Variants in FAM185A observed in about 807,000 individuals in gnomAD.
FAM185A encodes the protein protein FAM185A.
FAM185A carries 21 observed loss-of-function variants against 45.7 expected under a neutral mutation model. The observed-to-expected ratio is 0.46, with a 90% confidence interval of 0.33 to 0.66. The LOEUF (loss-of-function observed/expected upper bound fraction) is 0.66. Ranked by LOEUF, FAM185A falls within the 30% of genes least tolerant of loss-of-function variation. FAM185A has a pLI of 0.03. For synonymous variants in FAM185A, 117 were observed against 194.0 expected (o/e 0.60, Z 3.30); for missense variants, 305 against 485.4 (o/e 0.63, Z 3.49).
chr7:102,806,825 C>T (rs1413336564), intron 7 of FAM185A, among the ~76,000 whole-genome samples: 3 of 152,142 alleles, frequency 2.0e-5, no homozygotes, highest in African/African-American at 7.2e-5. Context: ...GGAGAGGTCG[C>T]ACAGGCAGAG....
the FAM185A span, among the ~76,000 whole-genome samples, chr7:102,819,200 C>T: frequency 3.9e-5 from 6 of 152,156 alleles, no homozygotes; most frequent in Non-Finnish European, 7.3e-5. Flanking sequence ...TTGCCTTTCC[C>T]CACAGAGGGC....
At chr7:102,850,003 G>T in the FAM185A span, among the ~76,000 whole-genome samples, 1 of 149,236 alleles carries the variant, frequency 6.7e-6, no homozygotes, top group East Asian at 1.9e-4. Flanking sequence ...GTTTTGTTTT[G>T]TTTTTTTAGA....
chr7:102,772,757 GAT>G (rs1036554213), intron 5 of FAM185A, among the ~76,000 whole-genome samples: 1 of 151,432 alleles, frequency 6.6e-6, no homozygotes, highest in Non-Finnish European at 1.5e-5. Context: ...TTGAAAGAAA[GAT>G]ATAAATAATG....
chr7:102,760,806 G>A (rs55796765), intron 3 of FAM185A, among the ~76,000 whole-genome samples: 78,828 of 151,870 alleles, frequency 0.52, 21,336 homozygotes, highest in Middle Eastern at 0.66. Flanking sequence ...GGGAGGAAAT[G>A]AAGCCATCAC....
At chr7:102,783,170 A>T (rs1795523084) in intron 6 of FAM185A, among the ~76,000 whole-genome samples, 1 of 151,048 alleles carries the variant, frequency 6.6e-6, no homozygotes, top group Admixed American at 6.6e-5. Context: ...GAGACCTACA[A>T]GGAGACTTAG....
intron 6 of FAM185A, among the ~76,000 whole-genome samples, chr7:102,784,877 T>C (rs1330612344): frequency 1.3e-5 from 2 of 150,636 alleles, no homozygotes; most frequent in Admixed American, 6.6e-5. Flanking sequence ...CAATTAGGAA[T>C]AGAGGAAGTC....
chr7:102,826,759 A>C, the FAM185A span, among the ~76,000 whole-genome samples: 1 of 111,534 alleles, frequency 9.0e-6, no homozygotes, highest in East Asian at 2.6e-4. Flanking sequence ...ATATATATAT[A>C]TATATATATA....
chr7:102,849,773 T>C, the FAM185A span, among the ~76,000 whole-genome samples: 1 of 152,064 alleles, frequency 6.6e-6, no homozygotes, highest in Non-Finnish European at 1.5e-5. Context: ...CCCAGAAGTA[T>C]GAATCTTGGA....
At chr7:102,807,544 TC>T (rs141932236) in intron 7 of FAM185A, among the ~76,000 whole-genome samples, 7,294 of 150,222 alleles carry the variant, frequency 0.049, 259 homozygotes, top group South Asian at 0.13. Context: ...TCTCCAATAT[TC>T]AAAAAAAAAA....
At chr7:102,811,703 G>C (rs1449282218), downstream of FAM185A, among the ~76,000 whole-genome samples, 1 of 152,152 alleles carries the variant, frequency 6.6e-6, no homozygotes, top group Non-Finnish European at 1.5e-5. Context: ...AAGCACTTAG[G>C]GATCAGATTT....
chr7:102,842,471 G>T, the FAM185A span, among the ~76,000 whole-genome samples: 4 of 152,238 alleles, frequency 2.6e-5, no homozygotes, highest in Admixed American at 1.3e-4. Flanking sequence ...GCACCAGGGG[G>T]TGGAGTCTAT....
chr7:102,780,882 G>C (rs978179247), intron 6 of FAM185A, among the ~76,000 whole-genome samples: 2 of 152,182 alleles, frequency 1.3e-5, no homozygotes, highest in East Asian at 3.9e-4. Context: ...CCCGGGAAGC[G>C]CAAGGGGTCA....
At chr7:102,843,777 A>T in the FAM185A span, among the ~76,000 whole-genome samples, 3 of 152,200 alleles carry the variant, frequency 2.0e-5, no homozygotes, top group East Asian at 5.8e-4. Context: ...CTCCGTCTTA[A>T]TAAAAAAAAT....
At chr7:102,838,958 A>C in the FAM185A span, among the ~76,000 whole-genome samples, 1 of 152,200 alleles carries the variant, frequency 6.6e-6, no homozygotes, top group Non-Finnish European at 1.5e-5. Context: ...GAGGATAGTA[A>C]AAGAGGAAGG....
At chr7:102,843,906 C>T in the FAM185A span, among the ~76,000 whole-genome samples, 4 of 152,270 alleles carry the variant, frequency 2.6e-5, no homozygotes, top group South Asian at 2.1e-4. Context: ...TCTCTACTGC[C>T]GTTTATACTC....
chr7:102,837,236 C>T, the FAM185A span, among the ~76,000 whole-genome samples: 2 of 152,332 alleles, frequency 1.3e-5, no homozygotes, highest in East Asian at 3.9e-4. Context: ...CTCTGCAGAG[C>T]CTGAAGGTGC....
chr7:102,811,129 A>G (rs1299366780), downstream of FAM185A, among the ~76,000 whole-genome samples: 3 of 152,186 alleles, frequency 2.0e-5, no homozygotes, highest in Non-Finnish European at 4.4e-5. Flanking sequence ...TTTCACCCTC[A>G]TGCAATTACA....
chr7:102,788,226 C>T (rs1254920996), intron 7 of FAM185A, among the ~76,000 whole-genome samples: 1 of 152,140 alleles, frequency 6.6e-6, no homozygotes, highest in Non-Finnish European at 1.5e-5. Context: ...ACCTCAGCCT[C>T]CCAAAGTGCT....
Position 102,758,459 on chromosome 7 carries a change from T to TA in FAM185A, c.654+514dup, listed in dbSNP as rs554315669. 2.4e-3 allele frequency among the ~76,000 whole-genome samples: 254 copies of TA among 107,456 alleles called. 39 individuals are homozygous for TA. The highest frequency in any genetic ancestry group is 5.6e-3 in the African/African-American group (154 of 27,498). The allele number at this position is 107,456 out of a possible 152,430, so 70.5% of individuals were successfully genotyped here. A position where few individuals can be genotyped will look rare whatever the true frequency, so the allele number is the denominator to read the frequency against. Reference sequence around the variant, plus strand: ...TTTTTTTTTTTTTTTTTTTTTTTTTTATAGTAGCTATTGGGATTTTTGTTG... The same window carrying TA: ...TTTTTTTTTTTTTTTTTTTTTTTTTTAATAGTAGCTATTGGGATTTTTGTTG... On this transcript the variant is annotated intron_variant, in intron 3 of 7. Transcript: ENST00000413034.
Sources: gnomAD v4.1 joint callset for allele counts (sites outside exome capture counted in the v4.1 genomes callset) on GRCh38, gnomAD v4.1.1 for gene constraint, MANE v1.5 for transcripts, NCBI Gene and HGNC (gene_info 2026-07-23, HGNC 2026-07-21) for gene names.